The following COG5 variants were observed in gnomAD, a reference collection of about 807,000 sequenced individuals.
COG5 encodes the protein component of oligomeric golgi complex 5, also known as conserved oligomeric Golgi complex subunit 5.
A neutral mutation model predicts 110.4 loss-of-function variants in COG5; 86 were observed. That is an observed-to-expected ratio of 0.78 (90% CI 0.65 to 0.93). The LOEUF (loss-of-function observed/expected upper bound fraction) is 0.93, where lower values mean the gene tolerates loss of function less well. Among genes scored for constraint, COG5 ranks in the 40% least tolerant of loss-of-function variants. The probability of loss-of-function intolerance (pLI) is 0.00; values close to 1 mark genes in which losing one functional copy is unlikely to be tolerated. For missense variants in COG5, 1,077 were observed against 987.0 expected (o/e 1.09, Z -1.22); for synonymous variants, 360 against 334.6 (o/e 1.08, Z -0.83).
chr7:107,234,111 G>A (rs1800976552), intron 18 of COG5, among the ~76,000 whole-genome samples: 1 of 152,164 alleles, frequency 6.6e-6, no homozygotes, highest in African/African-American at 2.4e-5. Context: ...GTGAGTGTCA[G>A]GATGTTTTGA....
intron 6 of COG5, among the ~76,000 whole-genome samples, chr7:107,431,589 C>T (rs1023078544): frequency 6.6e-6 from 1 of 152,100 alleles, no homozygotes; most frequent in Admixed American, 6.5e-5. Context: ...TATCATCTTA[C>T]TATTAGATTT....
At chr7:107,455,303 A>G (rs1434012944) in intron 6 of COG5, among the ~76,000 whole-genome samples, 1 of 152,228 alleles carries the variant, frequency 6.6e-6, no homozygotes, top group East Asian at 1.9e-4. Flanking sequence ...AAGGACATGC[A>G]TCTATCTTCC....
At chr7:107,361,584 T>TA (rs1195012910) in intron 10 of COG5, among the ~76,000 whole-genome samples, 2 of 152,216 alleles carry the variant, frequency 1.3e-5, no homozygotes, top group Non-Finnish European at 1.5e-5. Context: ...ATTTTTGAGA[T>TA]AGAGTTTCAC....
intron 6 of COG5, among the ~76,000 whole-genome samples, chr7:107,442,861 G>A (rs1217830887): frequency 6.6e-6 from 1 of 152,090 alleles, no homozygotes; most frequent in African/African-American, 2.4e-5. Context: ...GGAATCTACT[G>A]TAATAAAATA....
chr7:107,415,140 T>C (rs1272719033), intron 6 of COG5, among the ~76,000 whole-genome samples: 2 of 152,168 alleles, frequency 1.3e-5, no homozygotes, highest in East Asian at 3.9e-4. Context: ...ACCACAATGT[T>C]AGCACTAAAT....
intron 19 of COG5, among the ~76,000 whole-genome samples, chr7:107,227,628 G>C (rs1800445662): frequency 6.7e-6 from 1 of 149,418 alleles, no homozygotes; most frequent in African/African-American, 2.5e-5. Context: ...TCCATACTAT[G>C]ACACAACTTT....
At chr7:107,288,064 T>C (rs1805794240) in intron 12 of COG5, among the ~76,000 whole-genome samples, 1 of 152,184 alleles carries the variant, frequency 6.6e-6, no homozygotes, top group African/African-American at 2.4e-5. Context: ...ATGGTAACTA[T>C]GTTTAATAGT....
chr7:107,228,952 A>T (rs1244688441), intron 19 of COG5, among the ~76,000 whole-genome samples: 1 of 152,186 alleles, frequency 6.6e-6, no homozygotes, highest in East Asian at 1.9e-4. Flanking sequence ...CTGCTTATTG[A>T]TCCTCTAGTT....
At chr7:107,256,850 C>A in intron 15 of COG5, 56 bp from the exon 16 acceptor site, 3 of 1,250,746 alleles carry the variant, frequency 2.4e-6, no homozygotes, top group Non-Finnish European at 3.5e-6. Flanking sequence ...TCTGTAAATA[C>A]TAATTTTGAT....
intron 3 of COG5, among the ~76,000 whole-genome samples, chr7:107,553,253 G>T (rs1328703483): frequency 6.6e-6 from 1 of 152,136 alleles, no homozygotes. Context: ...AAGTTGAAAT[G>T]ACTAATAATA....
intron 7 of COG5, among the ~76,000 whole-genome samples, chr7:107,390,881 G>T (rs566954475): frequency 1.3e-5 from 2 of 151,628 alleles, no homozygotes; most frequent in East Asian, 3.9e-4. Flanking sequence ...AGGATGGTGG[G>T]AAAAATTGTC....
Position 107,211,213 on chromosome 7 carries a change from G to A in COG5, c.2181C>T (p.Phe727=). The A allele has an allele frequency of 6.2e-7, 1 of 1,614,058 alleles. No individual in the cohort carries two copies. The highest frequency in any genetic ancestry group is 1.7e-5 in the Admixed American group (1 of 60,028). Residue 727 remains phenylalanine, a synonymous_variant, in exon 20 of 22, where the codon TTC becomes TTT. Coordinates refer to ENST00000297135, the MANE Select transcript of COG5 (RefSeq NM_006348.5). ...RMLRSFRPLL[F]QASEHVASSP... Reference sequence around the variant, plus strand: ...TACTGGCTACATGTTCACTTGCCTGGAAGAGCAGAGGTCTAGACGGGAAAA... The same window carrying A: ...TACTGGCTACATGTTCACTTGCCTGAAAGAGCAGAGGTCTAGACGGGAAAA...
At chr7:107,409,230 G>GAAA (rs11366303) in intron 7 of COG5, among the ~76,000 whole-genome samples, 5 of 104,990 alleles carry the variant, frequency 4.8e-5, no homozygotes, top group African/African-American at 6.5e-5. Flanking sequence ...CAACGTCAAG[G>GAAA]AAAAAAAAAA....
At chr7:107,325,880 A>G (rs993553778) in intron 10 of COG5, among the ~76,000 whole-genome samples, 4 of 152,182 alleles carry the variant, frequency 2.6e-5, no homozygotes, top group Non-Finnish European at 4.4e-5. Flanking sequence ...AAGAACTGTT[A>G]ATCATAAACA....
At position 107,300,847 on chromosome 7, in the gene COG5, T is replaced by C. The variant is rs369038506; in HGVS notation, c.1109-2501A>G. Among the ~76,000 whole-genome samples the C allele has an allele frequency of 3.7e-4, 57 of 152,164 alleles. 1 individual carries two copies. In the East Asian group the frequency reaches 7.9e-3, roughly 21 times the overall value. ...ATATGAAAATGTAAAGAACCCAGAATAGTCAGGGCAACAAAAACAACAATG... is the reference window on the plus strand; with the variant it reads ...ATATGAAAATGTAAAGAACCCAGAACAGTCAGGGCAACAAAAACAACAATG... On this transcript the variant is annotated intron_variant, in intron 11 of 21. Coordinates refer to ENST00000297135, the MANE Select transcript of COG5 (RefSeq NM_006348.5).
chr7:107,266,672 C>CT, intron 14 of COG5, among the ~76,000 whole-genome samples: 1 of 151,964 alleles, frequency 6.6e-6, no homozygotes, highest in East Asian at 1.9e-4. Context: ...CTTTTTTGAT[C>CT]TTTTTTTGAT....
chr7:107,326,123 A>G (rs1180458336), intron 10 of COG5, among the ~76,000 whole-genome samples: 1 of 152,196 alleles, frequency 6.6e-6, no homozygotes, highest in Non-Finnish European at 1.5e-5. Context: ...TGATAAAAAC[A>G]CTCAACAAAC....
At chr7:107,407,102 C>T (rs1791905530) in intron 7 of COG5, among the ~76,000 whole-genome samples, 1 of 152,180 alleles carries the variant, frequency 6.6e-6, no homozygotes. Flanking sequence ...AACATTAGGG[C>T]CAGGCACGGT....
chr7:107,270,131 A>C (rs547374483), intron 14 of COG5, among the ~76,000 whole-genome samples: 1 of 152,316 alleles, frequency 6.6e-6, no homozygotes, highest in East Asian at 1.9e-4. Flanking sequence ...ACTCCCTCTG[A>C]ATACTAATCA....
Sources: gnomAD v4.1 joint callset for allele counts (sites outside exome capture counted in the v4.1 genomes callset) on GRCh38, gnomAD v4.1.1 for gene constraint, MANE v1.5 for transcripts, NCBI Gene and HGNC (gene_info 2026-07-23, HGNC 2026-07-21) for gene names.